Variants in ARID4A observed in about 807,000 individuals in gnomAD.
ARID4A encodes the protein AT-rich interaction domain 4A, also known as AT-rich interactive domain-containing protein 4A.
ARID4A carries 39 observed loss-of-function variants against 148.6 expected under a neutral mutation model. The observed-to-expected ratio is 0.26, with a 90% CI of 0.20 to 0.34. The LOEUF (loss-of-function observed/expected upper bound fraction) is 0.34. ARID4A is among the 10% of genes least tolerant of loss of function. ARID4A has a pLI of 1.00. For missense variants in ARID4A, 1,265 were observed against 1,449.1 expected (o/e 0.87, Z 2.06); for synonymous variants, 475 against 481.2 (o/e 0.99, Z 0.17).
Position 58,299,786 on chromosome 14 carries a change from C to T in ARID4A, c.-57-12C>T, listed in dbSNP as rs760123052. On this transcript the variant is annotated splice_polypyrimidine_tract_variant and intron_variant, in intron 1 of 23. Transcript: ENST00000355431. ...TGATTATGTCTGTGCCTGTCTTTCC[C>T]CCTCCCCATAGTTCTAGCGACTGCG... 7.5e-6 allele frequency: 12 copies of T among 1,610,492 alleles called. No individual in the cohort carries two copies. The highest frequency in any genetic ancestry group is 2.2e-5 in the South Asian group (2 of 90,958).
intron 3 of ARID4A, chr14:58,303,695 T>C (rs2031377794): frequency 3.5e-6 from 1 of 288,656 alleles, no homozygotes; most frequent in East Asian, 8.6e-5. Context: ...GCATCAGCCT[T>C]ACTTGGGAAC....
chr14:58,320,090 G>C lies in ARID4A; in HGVS notation c.449+1285G>C, dbSNP rs1041284618. ...AGCCTCCCGAGTAGTCAGAACTACA[G>C]GCGCGTGCCACCACGCCCAGCTAAT... On this transcript the variant is annotated intron_variant, in intron 7 of 23. Coordinates refer to ENST00000355431, the MANE Select transcript of ARID4A (RefSeq NM_002892.4). Among the ~76,000 whole-genome samples, 4 of 151,438 alleles carry C rather than the reference G, an allele frequency of 2.6e-5. 1 individual carries two copies. The South Asian group carries it at 8.3e-4, about 31-fold the overall frequency.
Position 58,309,114 on chromosome 14 carries a change from T to A in ARID4A, c.274+3002T>A, listed in dbSNP as rs1274489938. ...ATCTTACCCTCTAATGGTTTATTTCTTGTTTGTTTGTTCGTTTTAGAGACA... is the reference window on the plus strand; with the variant it reads ...ATCTTACCCTCTAATGGTTTATTTCATGTTTGTTTGTTCGTTTTAGAGACA... On this transcript the variant is annotated intron_variant, in intron 5 of 23. Transcript: ENST00000355431. Among the ~76,000 whole-genome samples the A allele has an allele frequency of 1.4e-4, 21 of 152,210 alleles. No homozygotes were observed. The East Asian group carries it at 3.7e-3, about 27-fold the overall frequency.
At chr14:58,346,797 G>A (rs926277080) in intron 13 of ARID4A, among the ~76,000 whole-genome samples, 5 of 150,428 alleles carry the variant, frequency 3.3e-5, no homozygotes, top group East Asian at 3.9e-4. Context: ...GCATGGTGTC[G>A]CATGCCTGTG....
chr14:58,346,227 AAG>A (rs1413275461), intron 12 of ARID4A, among the ~76,000 whole-genome samples, 182 bp from the exon 13 acceptor site: 3 of 149,644 alleles, frequency 2.0e-5, no homozygotes, highest in African/African-American at 7.3e-5. Context: ...ACATATAAAA[AAG>A]AATTATTATA....
At chr14:58,302,811 T>C (rs965731560) in intron 3 of ARID4A, among the ~76,000 whole-genome samples, 1 of 151,832 alleles carries the variant, frequency 6.6e-6, no homozygotes, top group African/African-American at 2.4e-5. Context: ...ATAAAAAGTA[T>C]TAGCCAGGTG....
chr14:58,322,030 G>C (rs935421967), intron 7 of ARID4A, among the ~76,000 whole-genome samples: 1 of 151,860 alleles, frequency 6.6e-6, no homozygotes, highest in East Asian at 1.9e-4. Context: ...TAGTGTAGTG[G>C]TGCGATCTTG....
chr14:58,314,338 G>A (rs1473040965), intron 5 of ARID4A, among the ~76,000 whole-genome samples: 1 of 152,216 alleles, frequency 6.6e-6, no homozygotes, highest in Non-Finnish European at 1.5e-5. Flanking sequence ...TGGAAGTTAA[G>A]AGAGGAACTT....
Position 58,365,319 on chromosome 14 carries a change from AAAGT to A in ARID4A, c.3211+24_3211+27del, listed in dbSNP as rs2035309281. 1 of 1,587,700 alleles carries A rather than the reference AAAGT, an allele frequency of 6.3e-7. No homozygotes were observed. Among genetic ancestry groups the A allele is most frequent in the Non-Finnish European group, 8.6e-7 (1 of 1,168,906 alleles). ...GAGAAGGGTAAGGACTTTCTAGGGA[AAAGT>A]AAGTGTTTATATGAAACCAAAAATC... On this transcript the variant is annotated intron_variant, in intron 20 of 23. Coordinates refer to ENST00000355431, the MANE Select transcript of ARID4A (RefSeq NM_002892.4).
At position 58,353,796 on chromosome 14, in the gene ARID4A, C is replaced by G. The variant is rs373212552; in HGVS notation, c.1794C>G (p.Ser598Arg). 1.3e-5 allele frequency: 21 copies of G among 1,613,770 alleles called. No homozygotes were observed. The highest frequency in any genetic ancestry group is 1.8e-5 in the Non-Finnish European group (21 of 1,179,964). Residue 598 changes from serine to arginine, a missense_variant, in exon 17 of 24, where the codon AGC becomes AGG. Around this residue, in one of 9 missense-constraint regions of ARID4A, gnomAD observed 30 missense variants for 65.7 expected, o/e 0.46. Transcript: ENST00000355431. ...AAATTTATGAAGCCAGTATTAAAAGCACTGAAATTGATGACGGAGAAGTTT... is the reference window on the plus strand; with the variant it reads ...AAATTTATGAAGCCAGTATTAAAAGGACTGAAATTGATGACGGAGAAGTTT... ...TQKIYEASIK[S>R]TEIDDGEVLY...
chr14:58,355,308 C>T (rs2034822255), intron 17 of ARID4A, among the ~76,000 whole-genome samples: 1 of 152,112 alleles, frequency 6.6e-6, no homozygotes, highest in Non-Finnish European at 1.5e-5. Context: ...GCAGTAGTTC[C>T]CTCTCATCTG....
At chr14:58,360,230 G>C (rs2035076363) in intron 18 of ARID4A, among the ~76,000 whole-genome samples, 1 of 152,158 alleles carries the variant, frequency 6.6e-6, no homozygotes, top group Non-Finnish European at 1.5e-5. Flanking sequence ...GGCTTTATAG[G>C]AGAAGGATAA....
At chr14:58,299,533 G>C (rs576160270) in intron 1 of ARID4A, 115 of 471,594 alleles carry the variant, frequency 2.4e-4, no homozygotes, top group Admixed American at 2.0e-3. Context: ...GCTCCGAGTT[G>C]AGCATTCCGG....
intron 14 of ARID4A, 39 bp downstream of exon 14, chr14:58,347,156 A>G: frequency 2.7e-6 from 3 of 1,120,548 alleles, no homozygotes; most frequent in Non-Finnish European, 2.5e-6. Flanking sequence ...ATATATATTT[A>G]TAGGAAATAT....
At chr14:58,310,151 A>T (rs1208303847) in intron 5 of ARID4A, among the ~76,000 whole-genome samples, 1 of 152,008 alleles carries the variant, frequency 6.6e-6, no homozygotes, top group Admixed American at 6.6e-5. Context: ...TATTCCCATG[A>T]TATTTTCTTA....
intron 7 of ARID4A, among the ~76,000 whole-genome samples, chr14:58,322,979 A>AT (rs1175548526): frequency 1.9e-3 from 267 of 142,102 alleles, no homozygotes; most frequent in African/African-American, 4.8e-3. Flanking sequence ...AAAAAAAAAA[A>AT]AATATATATA....
In ARID4A at chr14:58,329,456, G is replaced by C. The variant is rs576335484; in HGVS notation, c.663-72G>C. On this transcript the variant is annotated intron_variant, in intron 9 of 23. Coordinates refer to ENST00000355431, the MANE Select transcript of ARID4A (RefSeq NM_002892.4). ...TTTTGAGGTTTTTATTTTTCTATGT[G>C]TTAACATGAACTATTTAAGTGATAA... The C allele has an allele frequency of 2.1e-3, 2,182 of 1,019,366 alleles. 9 individuals are homozygous for C. Among genetic ancestry groups the C allele is most frequent in the Non-Finnish European group, 2.7e-3 (1,775 of 661,136 alleles). 63.1% of individuals were successfully genotyped at this position (1,019,366 alleles called of 1,614,324 possible).
intron 11 of ARID4A, among the ~76,000 whole-genome samples, chr14:58,334,715 T>TA (rs757119719): frequency 7.9e-5 from 12 of 152,318 alleles, no homozygotes; most frequent in Non-Finnish European, 1.6e-4. Context: ...CCCTATAAGA[T>TA]GAGTCTCTCA....
In ARID4A at chr14:58,311,225, G is replaced by A. The variant is rs560511103; in HGVS notation, c.274+5113G>A. 1.1e-4 allele frequency among the ~76,000 whole-genome samples: 16 copies of A among 152,154 alleles called. No homozygotes were observed. In the East Asian group the frequency reaches 1.5e-3, roughly 15 times the overall value. On this transcript the variant is annotated intron_variant, in intron 5 of 23. Coordinates refer to ENST00000355431, the MANE Select transcript of ARID4A (RefSeq NM_002892.4). ...CATGCCACTGCACTCCAGCCTGGGCGACAGAGCAAGACTCCAATCTAAAAA... is the reference window on the plus strand; with the variant it reads ...CATGCCACTGCACTCCAGCCTGGGCAACAGAGCAAGACTCCAATCTAAAAA...
Sources: allele counts gnomAD v4.1 joint callset (sites outside exome capture counted in the v4.1 genomes callset), GRCh38; gene constraint gnomAD v4.1.1; regional missense constraint gnomAD v4.1.1; transcripts MANE v1.5; gene names NCBI Gene and HGNC (gene_info 2026-07-23, HGNC 2026-07-21).